CADM1: variants seen among roughly 807,000 people sequenced by gnomAD.
CADM1 encodes TSLC-1.
CADM1 carries 15 observed loss-of-function variants against 53.1 expected under a neutral mutation model. The observed-to-expected ratio is 0.28, with a 90% CI of 0.19 to 0.44. CADM1 has a LOEUF of 0.44. Ranked by LOEUF, CADM1 falls within the 20% of genes least tolerant of loss-of-function variation. The pLI is 1.00. For synonymous variants in CADM1, 281 were observed against 243.0 expected (o/e 1.16, Z -1.45); for missense variants, 434 against 611.3 (o/e 0.71, Z 3.06).
chr11:115,484,026 G>A (rs1393126590), intron 1 of CADM1, among the ~76,000 whole-genome samples: 2 of 152,148 alleles, frequency 1.3e-5, no homozygotes, highest in Non-Finnish European at 2.9e-5. Context: ...ACCCATAGGA[G>A]ACCAGTCATC....
rs538513775 is a variant in CADM1, at chr11:115,206,601, C to T, written c.1078+2973G>A. On this transcript the variant is annotated intron_variant, in intron 8 of 11. Coordinates refer to ENST00000331581, the MANE Select transcript of CADM1 (RefSeq NM_001301043.2). ...GATAAAAGATAACACTGGAACACTT[C>T]CTTTCAGAGAAATCAGAAATCAACT... Among the ~76,000 whole-genome samples the T allele has an allele frequency of 8.5e-5, 13 of 152,200 alleles. No homozygotes were observed. In the South Asian group the frequency reaches 2.3e-3, roughly 27 times the overall value.
chr11:115,317,988 A>C (rs1281028810), intron 1 of CADM1, among the ~76,000 whole-genome samples: 1 of 66,588 alleles, frequency 1.5e-5, no homozygotes, highest in Non-Finnish European at 2.7e-5. Flanking sequence ...CACACTACAC[A>C]CACACACACA....
chr11:115,184,561 T>G (rs1383704433), intron 10 of CADM1, among the ~76,000 whole-genome samples: 4 of 152,210 alleles, frequency 2.6e-5, no homozygotes, highest in Admixed American at 2.0e-4. Context: ...CTAGCCTTTA[T>G]GCAGCATAAC....
intron 9 of CADM1, among the ~76,000 whole-genome samples, chr11:115,195,393 A>T (rs1475509665): frequency 1.3e-5 from 2 of 152,264 alleles, no homozygotes; most frequent in East Asian, 3.8e-4. Context: ...CTTCAAAGGG[A>T]AAGCTTTAAA....
chr11:115,352,986 T>C (rs1053190210), intron 1 of CADM1, among the ~76,000 whole-genome samples: 5 of 152,260 alleles, frequency 3.3e-5, no homozygotes, highest in Non-Finnish European at 2.9e-5. Flanking sequence ...GCAGTGAACA[T>C]ATGCGTGCAT....
chr11:115,284,558 A>G (rs1054905936), intron 1 of CADM1, among the ~76,000 whole-genome samples: 2 of 151,960 alleles, frequency 1.3e-5, no homozygotes, highest in Admixed American at 6.6e-5. Context: ...GATAGTTTTC[A>G]AAAAGGAATA....
intron 1 of CADM1, among the ~76,000 whole-genome samples, chr11:115,418,495 T>C (rs1453393898): frequency 6.6e-6 from 1 of 152,194 alleles, no homozygotes; most frequent in Admixed American, 6.5e-5. Flanking sequence ...GGGGGTTTGC[T>C]TCAGCTAAGC....
In CADM1 at chr11:115,175,242, TG is replaced by T; in HGVS notation, c.*1231del. The T allele has an allele frequency of 1.0e-6, 1 of 985,862 alleles. No homozygotes were observed. The allele number at this position is 985,862 out of a possible 1,614,324, so 61.1% of individuals were successfully genotyped here. A position where few individuals can be genotyped will look rare whatever the true frequency, so the allele number is the denominator to read the frequency against. ...ATACCAGCCCTTCTTTTGTACCTCC[TG>T]CCTTTGTCAAGCCAAATCTGAAGGA... On this transcript the variant is annotated 3_prime_UTR_variant, in exon 12 of 12. Transcript: ENST00000331581.
intron 1 of CADM1, among the ~76,000 whole-genome samples, chr11:115,420,633 G>C (rs1947730044): frequency 6.6e-6 from 1 of 152,150 alleles, no homozygotes. Context: ...AAACAGGAGA[G>C]GTTCCTACTC....
At chr11:115,493,578 A>T (rs1949546493) in intron 1 of CADM1, among the ~76,000 whole-genome samples, 1 of 152,128 alleles carries the variant, frequency 6.6e-6, no homozygotes, top group Non-Finnish European at 1.5e-5. Context: ...AAAAATGGAG[A>T]ACCCTACAAA....
intron 1 of CADM1, among the ~76,000 whole-genome samples, chr11:115,293,170 C>T (rs562706622): frequency 1.3e-5 from 2 of 152,318 alleles, no homozygotes; most frequent in Admixed American, 1.3e-4. Context: ...CGGTGACTCA[C>T]GCCTGTAATC....
At chr11:115,232,007 T>TAACAAC (rs1160314850) in intron 3 of CADM1, among the ~76,000 whole-genome samples, 82 of 90,590 alleles carry the variant, frequency 9.1e-4, no homozygotes, top group Admixed American at 2.4e-3. Flanking sequence ...ATAATAATAA[T>TAACAAC]AATAATAACA....
At chr11:115,439,605 C>T (rs1948262700) in intron 1 of CADM1, among the ~76,000 whole-genome samples, 1 of 152,166 alleles carries the variant, frequency 6.6e-6, no homozygotes, top group Non-Finnish European at 1.5e-5. Context: ...TGTCCACATG[C>T]TGACCACAGC....
intron 1 of CADM1, among the ~76,000 whole-genome samples, chr11:115,260,009 T>C (rs190768096): frequency 1.3e-5 from 2 of 152,282 alleles, no homozygotes; most frequent in African/African-American, 4.8e-5. Context: ...CACTGGAGCC[T>C]TGAACTCTCT....
At chr11:115,248,159 G>T (rs147782831) in intron 1 of CADM1, among the ~76,000 whole-genome samples, 3 of 152,294 alleles carry the variant, frequency 2.0e-5, no homozygotes, top group African/African-American at 7.2e-5. Flanking sequence ...CTGAAGAACG[G>T]AGGTCAAGCA....
chr11:115,484,029 C>T (rs1591293507), intron 1 of CADM1, among the ~76,000 whole-genome samples: 1 of 152,292 alleles, frequency 6.6e-6, no homozygotes, highest in East Asian at 1.9e-4. Context: ...CATAGGAGAC[C>T]AGTCATCTCC....
intron 1 of CADM1, among the ~76,000 whole-genome samples, chr11:115,301,820 A>G (rs183416389): frequency 1.4e-4 from 21 of 152,236 alleles, no homozygotes; most frequent in African/African-American, 4.1e-4. Flanking sequence ...CCATAACATT[A>G]TAAGAATTAA....
At chr11:115,310,576 C>A (rs550199874) in intron 1 of CADM1, among the ~76,000 whole-genome samples, 44 of 152,274 alleles carry the variant, frequency 2.9e-4, no homozygotes, top group African/African-American at 9.9e-4. Context: ...GACAGATTTG[C>A]TGTCGGTGAA....
intron 1 of CADM1, among the ~76,000 whole-genome samples, chr11:115,259,462 C>T (rs1402523103): frequency 6.6e-6 from 1 of 151,600 alleles, no homozygotes; most frequent in Non-Finnish European, 1.5e-5. Flanking sequence ...CACGCCACCA[C>T]CCCCAGCTAA....
Sources: allele counts gnomAD v4.1 joint callset (sites outside exome capture counted in the v4.1 genomes callset), GRCh38; gene constraint gnomAD v4.1.1; transcripts MANE v1.5; gene names NCBI Gene and HGNC (gene_info 2026-07-23, HGNC 2026-07-21).